The following PCDHA7 variants were observed in gnomAD, a reference collection of about 807,000 sequenced individuals.
The protein encoded by PCDHA7 is protocadherin alpha 7.
In PCDHA7, 37 loss-of-function variants were observed where a neutral mutation model predicts 57.2. That is an observed-to-expected ratio of 0.65 (90% confidence interval 0.50 to 0.85). The LOEUF (loss-of-function observed/expected upper bound fraction) is 0.85, where lower values mean the gene tolerates loss of function less well. Ranked by LOEUF, PCDHA7 falls within the 40% of genes least tolerant of loss-of-function variation. PCDHA7 has a pLI of 0.00. For missense variants in PCDHA7, 1,188 were observed against 1,241.8 expected (o/e 0.96, Z 0.65); for synonymous variants, 553 against 558.8 (o/e 0.99, Z 0.15).
In PCDHA7 at chr5:140,959,634, A is replaced by G. The variant is rs78629455; in HGVS notation, c.2356-19315A>G. ...TGCTTGTGATAGAAAAAAAGAGAGA[A>G]AAAACACAGAAGCAAAATTGAAGAA... On this transcript the variant is annotated intron_variant, in intron 1 of 3. Transcript: ENST00000525929. Among the ~76,000 whole-genome samples, 1,434 of 152,320 alleles carry G rather than the reference A, an allele frequency of 9.4e-3. 14 individuals carry two copies. The highest frequency in any genetic ancestry group is 0.021 in the Admixed American group (316 of 15,292).
intron 3 of PCDHA7, among the ~76,000 whole-genome samples, chr5:141,005,035 GT>G (rs1272983494): frequency 6.6e-6 from 1 of 152,194 alleles, no homozygotes; most frequent in African/African-American, 2.4e-5. Context: ...TTGCCCATAT[GT>G]GATACCATTT....
intron 1 of PCDHA7, among the ~76,000 whole-genome samples, chr5:140,961,831 T>G (rs1447917023): frequency 6.6e-6 from 1 of 152,194 alleles, no homozygotes; most frequent in African/African-American, 2.4e-5. Flanking sequence ...TGTAAGTTAT[T>G]TCAGTGCCTT....
At position 140,925,289 on chromosome 5, in the gene PCDHA7, G is replaced by T. The variant is rs190990360; in HGVS notation, c.2356-53660G>T. Among the ~76,000 whole-genome samples, 1,224 of 152,222 alleles carry T rather than the reference G, an allele frequency of 8.0e-3. 6 individuals carry two copies. The highest frequency in any genetic ancestry group is 0.019 in the African/African-American group (790 of 41,540). On this transcript the variant is annotated intron_variant, in intron 1 of 3. Coordinates refer to ENST00000525929, the MANE Select transcript of PCDHA7 (RefSeq NM_018910.3). The stretch of plus-strand genomic sequence containing the variant: ...TGTGTTCAGATTTTGCCTTTCAAAT[G>T]TTTCATTATTGGGGCTTTGGACATA...
At chr5:140,836,920 G>T in intron 1 of PCDHA7, 182 bp downstream of exon 1, 1 of 542,350 alleles carries the variant, frequency 1.8e-6, no homozygotes. Context: ...TTTTGTTTTG[G>T]GATGCGTAAT....
At chr5:140,908,019 G>A (rs1031093375) in intron 1 of PCDHA7, among the ~76,000 whole-genome samples, 1 of 152,122 alleles carries the variant, frequency 6.6e-6, no homozygotes, top group Non-Finnish European at 1.5e-5. Context: ...ACTGGCTACA[G>A]CCCATTAATC....
At chr5:140,867,971 C>A (rs1230179778) in intron 1 of PCDHA7, 2 of 152,032 alleles carry the variant, frequency 1.3e-5, no homozygotes, top group Non-Finnish European at 2.9e-5. Flanking sequence ...ATTCTTTCAA[C>A]AAGAAACAAA....
chr5:140,845,110 T>C (rs1779704552), intron 1 of PCDHA7, among the ~76,000 whole-genome samples: 1 of 149,836 alleles, frequency 6.7e-6, no homozygotes, highest in East Asian at 1.9e-4. Flanking sequence ...TTAATGCCTG[T>C]CCATGTTTAG....
At chr5:140,977,337 G>A (rs1554238444) in intron 1 of PCDHA7, among the ~76,000 whole-genome samples, 4 of 152,150 alleles carry the variant, frequency 2.6e-5, no homozygotes, top group South Asian at 2.1e-4. Context: ...GGGGAGAGAC[G>A]GTGATGATGA....
chr5:140,910,580 C>T (rs1384259049), intron 1 of PCDHA7, among the ~76,000 whole-genome samples: 1 of 152,162 alleles, frequency 6.6e-6, no homozygotes, highest in Non-Finnish European at 1.5e-5. Flanking sequence ...CTGGATCCTC[C>T]CAGCTGGGAT....
chr5:141,002,806 G>T (rs1341419225), intron 3 of PCDHA7, among the ~76,000 whole-genome samples: 1 of 152,162 alleles, frequency 6.6e-6, no homozygotes, highest in Non-Finnish European at 1.5e-5. Context: ...GGAAACTGAG[G>T]CTCAGAGATA....
chr5:140,951,150 ATAGT>A (rs33995910), intron 1 of PCDHA7, among the ~76,000 whole-genome samples: 85,202 of 151,324 alleles, frequency 0.56, 24,547 homozygotes, highest in African/African-American at 0.69. Context: ...CTTATTGAAT[ATAGT>A]TATAGTAGCT....
chr5:140,849,912 C>T (rs1318290193), intron 1 of PCDHA7: 4 of 1,598,150 alleles, frequency 2.5e-6, no homozygotes, highest in Admixed American at 1.7e-5. Context: ...GCCGGGCTGC[C>T]ACATCTTCAC....
chr5:140,852,638 T>C lies in PCDHA7; in HGVS notation c.2355+15900T>C. 5 of 960,950 alleles carry C rather than the reference T, an allele frequency of 5.2e-6. 1 individual carries two copies. Among genetic ancestry groups the C allele is most frequent in the Non-Finnish European group, 6.3e-6 (5 of 795,190 alleles). The allele number at this position is 960,950 out of a possible 1,614,324, so 59.5% of individuals were successfully genotyped here. On this transcript the variant is annotated intron_variant, in intron 1 of 3. Coordinates refer to ENST00000525929, the MANE Select transcript of PCDHA7 (RefSeq NM_018910.3). ...TTGAGTGGTCTCTGAGCTCCTGTCA[T>C]TAAACCTATCTATATCTGTCTATCA...
intron 1 of PCDHA7, among the ~76,000 whole-genome samples, chr5:140,934,646 T>C (rs1554210032): frequency 6.6e-6 from 1 of 152,116 alleles, no homozygotes; most frequent in African/African-American, 2.4e-5. Flanking sequence ...GCAGGATAAA[T>C]GTTTGATTCT....
intron 1 of PCDHA7, among the ~76,000 whole-genome samples, chr5:140,912,613 T>A (rs183484256): frequency 5.3e-4 from 80 of 152,290 alleles, no homozygotes; most frequent in African/African-American, 1.5e-3. Flanking sequence ...TCTTGTCTGA[T>A]TACTCTGGAT....
At chr5:141,007,015 A>G (rs1342063703) in intron 3 of PCDHA7, among the ~76,000 whole-genome samples, 1 of 152,210 alleles carries the variant, frequency 6.6e-6, no homozygotes, top group Non-Finnish European at 1.5e-5. Flanking sequence ...TCATCAGCTT[A>G]TTCATATGGT....
intron 1 of PCDHA7, among the ~76,000 whole-genome samples, chr5:140,902,661 C>T (rs1554190552): frequency 6.6e-6 from 1 of 152,036 alleles, no homozygotes; most frequent in Non-Finnish European, 1.5e-5. Flanking sequence ...CACCTGTCAC[C>T]CAAGCAGTGT....
At chr5:140,842,005 G>A (rs1777641474) in intron 1 of PCDHA7, 2 of 1,613,756 alleles carry the variant, frequency 1.2e-6, no homozygotes, top group Non-Finnish European at 1.7e-6. Context: ...CTGTTCAGCT[G>A]CTGGTCACAG....
intron 1 of PCDHA7, among the ~76,000 whole-genome samples, chr5:140,872,594 T>A (rs1554166277): frequency 1.3e-5 from 2 of 152,130 alleles, no homozygotes; most frequent in African/African-American, 2.4e-5. Context: ...GAGACCCCCA[T>A]CTGAAAAAAT....
Sources: gnomAD v4.1 joint callset for allele counts (sites outside exome capture counted in the v4.1 genomes callset) on GRCh38, gnomAD v4.1.1 for gene constraint, MANE v1.5 for transcripts, NCBI Gene and HGNC (gene_info 2026-07-23, HGNC 2026-07-21) for gene names.